Variants in DIP2C observed in about 807,000 individuals in gnomAD.
DIP2C encodes the protein DIP2 acetate--CoA ligase C (putative).
A neutral mutation model predicts 192.4 loss-of-function variants in DIP2C; 33 were observed. That is an observed-to-expected ratio of 0.17 (90% CI 0.13 to 0.23). DIP2C has a LOEUF of 0.23. DIP2C is among the 10% of genes least tolerant of loss of function. The probability of loss-of-function intolerance (pLI) is 1.00; values close to 1 mark genes in which losing one functional copy is unlikely to be tolerated. For missense variants in DIP2C, 1,537 were observed against 2,110.1 expected, an observed-to-expected ratio of 0.73 and a Z score of 5.32; for synonymous variants, 979 against 864.1, an observed-to-expected ratio of 1.13 and a Z score of -2.33.
At chr10:321,493 G>C (rs945480642) in intron 31 of DIP2C, among the ~76,000 whole-genome samples, 1 of 151,606 alleles carries the variant, frequency 6.6e-6, no homozygotes, top group Non-Finnish European at 1.5e-5. Flanking sequence ...TCTCCATCAG[G>C]CGTCCCCCAC....
intron 24 of DIP2C, 24 bp from the exon 25 acceptor site, chr10:349,478 G>A: frequency 6.3e-7 from 1 of 1,587,598 alleles, no homozygotes; most frequent in Non-Finnish European, 8.6e-7. Context: ...ACAGGGACAA[G>A]CACATAAGAT....
intron 16 of DIP2C, among the ~76,000 whole-genome samples, chr10:383,765 T>C (rs1962600782): frequency 6.6e-6 from 1 of 152,178 alleles, no homozygotes; most frequent in Non-Finnish European, 1.5e-5. Flanking sequence ...AGACATCCTC[T>C]GAATCCCAGG....
chr10:476,423 T>C (rs1185232660), intron 2 of DIP2C, among the ~76,000 whole-genome samples: 2 of 152,222 alleles, frequency 1.3e-5, no homozygotes, highest in African/African-American at 4.8e-5. Context: ...CTCCTGCCTC[T>C]GGACAGAAGC....
At chr10:633,406 C>T (rs1312127283) in intron 1 of DIP2C, among the ~76,000 whole-genome samples, 3 of 151,642 alleles carry the variant, frequency 2.0e-5, no homozygotes, top group South Asian at 4.2e-4. Flanking sequence ...AGAGCGGACG[C>T]GGGGAGTCCG....
At chr10:466,312 G>C (rs1208536419) in intron 3 of DIP2C, among the ~76,000 whole-genome samples, 2 of 145,712 alleles carry the variant, frequency 1.4e-5, no homozygotes, top group South Asian at 4.6e-4. Flanking sequence ...TTAATAAATG[G>C]TGCTGGGAAA....
At position 689,566 on chromosome 10, in the gene DIP2C, T is replaced by C; in HGVS notation, c.13A>G (p.Ser5Gly). 2 of 1,240,692 alleles carry C rather than the reference T, an allele frequency of 1.6e-6. No homozygotes were observed. Among genetic ancestry groups the C allele is most frequent in the Non-Finnish European group, 2.0e-6 (2 of 977,346 alleles). 76.9% of individuals were successfully genotyped at this position (1,240,692 alleles called of 1,614,324 possible). A position where few individuals can be genotyped will look rare whatever the true frequency, so the allele number is the denominator to read the frequency against. The stretch of plus-strand genomic sequence containing the variant: ...AGGGGCAGCGCCATGCCCTCCAGGC[T>C]GCGGTCCGCCATGCTCCGCGGGCGC... MADR[S>G]LEGMALPLEV... Residue 5 changes from serine to glycine, a missense_variant, in exon 1 of 37, where the codon AGC becomes GGC. Physicochemically the swap from Ser to Gly is moderately conservative, Grantham distance 56 (BLOSUM62 0). Transcript: ENST00000280886. The surrounding 1 kb of genome is among the most constrained non-coding windows in gnomAD (Gnocchi z 6.1).
At chr10:628,917 T>C (rs1178275597) in intron 1 of DIP2C, 2 of 152,398 alleles carry the variant, frequency 1.3e-5, no homozygotes, top group African/African-American at 2.4e-5. Context: ...ACGGATCCCA[T>C]GGCGAATGAG....
At chr10:471,369 A>G (rs1468944911) in intron 3 of DIP2C, among the ~76,000 whole-genome samples, 1 of 152,120 alleles carries the variant, frequency 6.6e-6, no homozygotes, top group Admixed American at 6.5e-5. Flanking sequence ...GGACAGAGAG[A>G]TTCATTACAG....
At chr10:683,986 C>G (rs1831224735) in intron 1 of DIP2C, among the ~76,000 whole-genome samples, 1 of 152,264 alleles carries the variant, frequency 6.6e-6, no homozygotes, top group African/African-American at 2.4e-5. Context: ...CGTCATGGCT[C>G]TCAGGAGGCT....
intron 1 of DIP2C, among the ~76,000 whole-genome samples, chr10:573,738 T>C (rs1849969051): frequency 6.6e-6 from 1 of 152,138 alleles, no homozygotes; most frequent in African/African-American, 2.4e-5. Context: ...TTTAAGTGAT[T>C]ATGTGCTTCA....
intron 16 of DIP2C, among the ~76,000 whole-genome samples, chr10:383,658 G>T (rs569034757): frequency 1.3e-5 from 2 of 152,138 alleles, no homozygotes; most frequent in South Asian, 4.2e-4. Flanking sequence ...ACCTGCTTAG[G>T]GCTTACTTCA....
chr10:362,465 C>T, intron 22 of DIP2C, 25 bp downstream of exon 22: 4 of 1,610,112 alleles, frequency 2.5e-6, no homozygotes, highest in Non-Finnish European at 3.4e-6. Context: ...CCGCACCTCA[C>T]AAGCTGCCCA....
At chr10:676,854 G>T (rs892183411) in intron 1 of DIP2C, among the ~76,000 whole-genome samples, 21 of 152,120 alleles carry the variant, frequency 1.4e-4, no homozygotes, top group African/African-American at 4.8e-4. Flanking sequence ...TAGGAAAAAT[G>T]AGGTTTAGTG....
At chr10:324,921 A>C (rs1299702158) in intron 31 of DIP2C, 8 of 532,352 alleles carry the variant, frequency 1.5e-5, no homozygotes, top group South Asian at 9.8e-5. Context: ...TTCTTTTTTC[A>C]CGTATTTTAT....
At chr10:566,308 A>G (rs1385238130) in intron 1 of DIP2C, among the ~76,000 whole-genome samples, 2 of 152,044 alleles carry the variant, frequency 1.3e-5, no homozygotes, top group East Asian at 1.9e-4. Context: ...TTACCAACAT[A>G]CTTTTTCACG....
At chr10:395,942 CAG>C (rs1457857226) in intron 10 of DIP2C, among the ~76,000 whole-genome samples, 6 of 152,314 alleles carry the variant, frequency 3.9e-5, no homozygotes, top group Admixed American at 2.6e-4. Flanking sequence ...CCTCGGACCA[CAG>C]AGAGTCCCCC....
chr10:533,956 A>G (rs1430595974), intron 1 of DIP2C, among the ~76,000 whole-genome samples: 1 of 152,106 alleles, frequency 6.6e-6, no homozygotes, highest in African/African-American at 2.4e-5. Flanking sequence ...GAATTATAAA[A>G]TGCCACTTTA....
At chr10:574,965 C>T (rs535014859) in intron 1 of DIP2C, among the ~76,000 whole-genome samples, 4 of 152,148 alleles carry the variant, frequency 2.6e-5, no homozygotes, top group Admixed American at 6.5e-5. Flanking sequence ...TCACCTTCCA[C>T]GAGTGACTGC....
At chr10:612,385 A>ACATGC (rs1853155606) in intron 1 of DIP2C, among the ~76,000 whole-genome samples, 1 of 152,234 alleles carries the variant, frequency 6.6e-6, no homozygotes, top group South Asian at 2.1e-4. Context: ...ATGTGTTTAC[A>ACATGC]TTTCAATGTT....
Sources: allele counts gnomAD v4.1 joint callset (sites outside exome capture counted in the v4.1 genomes callset), GRCh38; gene constraint gnomAD v4.1.1; non-coding constraint Gnocchi (gnomAD v3.1); transcripts MANE v1.5; gene names NCBI Gene and HGNC (gene_info 2026-07-23, HGNC 2026-07-21).